Variants in ZNF267 observed in about 807,000 individuals in gnomAD.
ZNF267 encodes zinc finger (C2H2).
In ZNF267, 61 loss-of-function variants were observed where a neutral mutation model predicts 71.6. The observed-to-expected ratio is 0.85, with a 90% CI of 0.69 to 1.05. The LOEUF is 1.05. ZNF267 is among the 50% of genes least tolerant of loss of function. ZNF267 has a pLI of 0.00. For synonymous variants in ZNF267, 288 were observed against 293.2 expected (o/e 0.98, Z 0.18); for missense variants, 852 against 870.0 (o/e 0.98, Z 0.26).
chr16:31,898,004 G>C (rs935502537), intron 3 of ZNF267, among the ~76,000 whole-genome samples: 1 of 152,052 alleles, frequency 6.6e-6, no homozygotes, highest in Non-Finnish European at 1.5e-5. Context: ...CAAGTCTTCT[G>C]TTTCCTTATT....
At chr16:31,907,195 T>C (rs1390355654) in intron 3 of ZNF267, among the ~76,000 whole-genome samples, 1 of 152,184 alleles carries the variant, frequency 6.6e-6, no homozygotes, top group African/African-American at 2.4e-5. Flanking sequence ...GTGTTGCTGC[T>C]AGAGTTGGTT....
In ZNF267 at chr16:31,916,710, A is replaced by C; in HGVS notation, c.*229A>C. On this transcript the variant is annotated 3_prime_UTR_variant, in exon 4 of 4. Coordinates refer to ENST00000300870, the MANE Select transcript of ZNF267 (RefSeq NM_003414.6). ...TCAACCCTTACTCAAGATAATCCAT[A>C]CTAGAGAAACACTATAGATGTAAAA... The C allele has an allele frequency of 2.0e-6, 1 of 506,850 alleles. No homozygotes were observed. The highest frequency in any genetic ancestry group is 3.4e-6 in the Non-Finnish European group (1 of 290,178). The allele number at this position is 506,850 out of a possible 1,614,324, so 31.4% of individuals were successfully genotyped here.
intron 3 of ZNF267, among the ~76,000 whole-genome samples, chr16:31,891,673 C>T (rs2083961322): frequency 6.6e-6 from 1 of 152,216 alleles, no homozygotes; most frequent in Non-Finnish European, 1.5e-5. Context: ...CTTCTCTTGT[C>T]TGCTGCCATG....
Position 31,914,962 on chromosome 16 carries a change from A to G in ZNF267, c.713A>G (p.Tyr238Cys), listed in dbSNP as rs764416309. The G allele has an allele frequency of 6.2e-7, 1 of 1,609,516 alleles. No individual in the cohort carries two copies. The highest frequency in any genetic ancestry group is 8.5e-7 in the Non-Finnish European group (1 of 1,178,748). Reference protein sequence around the residue: ...SSSPKNHQENYFLEKQYKCKE... With the variant: ...SSSPKNHQENCFLEKQYKCKE... ...AGCCCTAAAAATCATCAGGAAAATT[A>G]TTTTCTAGAAAAACAATACAAATGT... The change falls in exon 4 of 4, where the codon TAT (tyrosine) becomes TGT (cysteine). Residue 238 changes from tyrosine (Y) to cysteine (C), a missense_variant. Physicochemically the swap from Tyr to Cys is radical, Grantham distance 194 (BLOSUM62 -2). Coordinates refer to ENST00000300870, the MANE Select transcript of ZNF267 (RefSeq NM_003414.6).
chr16:31,916,976 T>C lies in ZNF267; in HGVS notation c.*495T>C, dbSNP rs2084183641. 1 of 154,856 alleles carries C rather than the reference T, an allele frequency of 6.5e-6. No homozygotes were observed. The highest frequency in any genetic ancestry group is 2.4e-5 in the African/African-American group (1 of 41,480). 9.6% of individuals were successfully genotyped at this position (154,856 alleles called of 1,614,324 possible). ...AATAATTAGATAATTTATTTGCTTA[T>C]ATGTTTTAAAGTAGCAAGAACATTG... On this transcript the variant is annotated 3_prime_UTR_variant, in exon 4 of 4. Transcript: ENST00000300870.
chr16:31,910,607 T>A (rs1271841235), intron 3 of ZNF267, among the ~76,000 whole-genome samples: 1 of 151,624 alleles, frequency 6.6e-6, no homozygotes, highest in African/African-American at 2.4e-5. Context: ...TCCTTTTTCA[T>A]CTCTGGTTTT....
At position 31,884,001 on chromosome 16, in the gene ZNF267, T is replaced by C. The variant is rs549294470; in HGVS notation, c.4-497T>C. 3.3e-5 allele frequency among the ~76,000 whole-genome samples: 5 copies of C among 152,318 alleles called. No homozygotes were observed. In the South Asian group the frequency reaches 1.0e-3, roughly 32 times the overall value. ...CTGCAGTGAGCCAAGATTCAACCAC[T>C]GCACTCCAGCCTGGGTGGCAGAGCG... is the stretch of plus-strand genomic sequence containing the variant. On this transcript the variant is annotated intron_variant, in intron 1 of 3. Transcript: ENST00000300870.
At chr16:31,904,721 G>A (rs935668907) in intron 3 of ZNF267, among the ~76,000 whole-genome samples, 5 of 152,050 alleles carry the variant, frequency 3.3e-5, no homozygotes, top group African/African-American at 9.7e-5. Flanking sequence ...CACACTGATG[G>A]GTCTTGACTC....
Position 31,916,309 on chromosome 16 carries a change from C to T in ZNF267, c.2060C>T (p.Pro687Leu). 1 of 1,613,206 alleles carries T rather than the reference C, an allele frequency of 6.2e-7. No individual in the cohort carries two copies. The highest frequency in any genetic ancestry group is 8.5e-7 in the Non-Finnish European group (1 of 1,179,796). Reference protein sequence around the residue: ...THRRRHTGERPYKCDECGKAF... With the variant: ...THRRRHTGERLYKCDECGKAF... ...CGGAGAAGACATACTGGAGAGAGACCCTACAAATGTGATGAATGTGGTAAA... is the reference window on the plus strand; with the variant it reads ...CGGAGAAGACATACTGGAGAGAGACTCTACAAATGTGATGAATGTGGTAAA... The change falls in exon 4 of 4, where the codon CCC (proline) becomes CTC (leucine). Residue 687 changes from proline to leucine, a missense_variant. By Grantham distance (98) the Pro-to-Leu change is moderately conservative. Transcript: ENST00000300870.
In ZNF267 at chr16:31,914,486, G is replaced by A. The variant is rs376637778; in HGVS notation, c.237G>A (p.Ser79=). 1.4e-4 allele frequency: 220 copies of A among 1,571,418 alleles called. No homozygotes were observed. The African/African-American group carries it at 2.3e-3, about 17-fold the overall frequency. ...ETVAIQPDVF[S]HYNKDLLTEH... ...TTTTATATCTTTCAGATGTGTTTTC[G>A]CATTATAACAAGGACCTGTTGACAG... Residue 79 remains serine (S), a synonymous_variant, in exon 4 of 4, where the codon TCG becomes TCA. Coordinates refer to ENST00000300870, the MANE Select transcript of ZNF267 (RefSeq NM_003414.6).
chr16:31,887,855 T>C (rs1443046490), intron 3 of ZNF267, among the ~76,000 whole-genome samples: 4 of 152,158 alleles, frequency 2.6e-5, no homozygotes, highest in Non-Finnish European at 4.4e-5. Flanking sequence ...GCATGGGCTA[T>C]TTGGAGTTAT....
chr16:31,874,760 C>T (rs936894202), intron 1 of ZNF267, among the ~76,000 whole-genome samples: 2 of 152,166 alleles, frequency 1.3e-5, no homozygotes, highest in Admixed American at 1.3e-4. Flanking sequence ...GCTTTCCTAA[C>T]GTGTAGCACG....
chr16:31,896,372 C>T (rs979312657), intron 3 of ZNF267, among the ~76,000 whole-genome samples: 6 of 152,096 alleles, frequency 3.9e-5, no homozygotes, highest in African/African-American at 1.4e-4. Context: ...AAGCATTTGC[C>T]CTATGCAAAT....
At chr16:31,888,781 A>T (rs1244271389) in intron 3 of ZNF267, among the ~76,000 whole-genome samples, 1 of 151,770 alleles carries the variant, frequency 6.6e-6, no homozygotes, top group Non-Finnish European at 1.5e-5. Flanking sequence ...ACTTTTTTGT[A>T]GTGTCCTTAT....
chr16:31,909,852 A>C (rs1483460431), intron 3 of ZNF267, among the ~76,000 whole-genome samples: 1 of 152,220 alleles, frequency 6.6e-6, no homozygotes, highest in Non-Finnish European at 1.5e-5. Context: ...CTTAGAGAAA[A>C]GACTTTCAGA....
chr16:31,874,450 T>C (rs113588940), intron 1 of ZNF267, among the ~76,000 whole-genome samples: 22 of 152,302 alleles, frequency 1.4e-4, no homozygotes, highest in African/African-American at 5.3e-4. Flanking sequence ...GGTTCGGAGA[T>C]CCCCAGAGGG....
chr16:31,895,317 A>T (rs777513439), intron 3 of ZNF267, among the ~76,000 whole-genome samples: 2 of 152,224 alleles, frequency 1.3e-5, no homozygotes, highest in Non-Finnish European at 2.9e-5. Context: ...TTAATGGCCG[A>T]AAAGTATTTA....
chr16:31,885,195 T>C lies in ZNF267; in HGVS notation c.165T>C (p.Phe55=). 1.2e-6 allele frequency: 2 copies of C among 1,611,180 alleles called. No homozygotes were observed. Among genetic ancestry groups the C allele is most frequent in the Non-Finnish European group, 1.7e-6 (2 of 1,178,996 alleles). Residue 55 remains phenylalanine (F), a synonymous_variant, in exon 3 of 4, where the codon TTT becomes TTC. Coordinates refer to ENST00000300870, the MANE Select transcript of ZNF267 (RefSeq NM_003414.6). Reference sequence around the variant, plus strand: ...TCTCTAAGCCGGACCTGATCACCTTTTTGGAACAAAGGAAAGAGCCTTGGA... The same window carrying C: ...TCTCTAAGCCGGACCTGATCACCTTCTTGGAACAAAGGAAAGAGCCTTGGA... ...LVVSKPDLIT[F]LEQRKEPWNV... is the part of the protein sequence containing the mutation.
At chr16:31,894,538 C>A in intron 3 of ZNF267, 1 of 511,082 alleles carries the variant, frequency 2.0e-6, no homozygotes. Context: ...CAAACTACAT[C>A]TTTCAAGTGC....
Sources: gnomAD v4.1 joint callset for allele counts (sites outside exome capture counted in the v4.1 genomes callset) on GRCh38, gnomAD v4.1.1 for gene constraint, MANE v1.5 for transcripts, NCBI Gene and HGNC (gene_info 2026-07-23, HGNC 2026-07-21) for gene names.